Variants in PCDHB1 observed in about 807,000 individuals in gnomAD.
PCDHB1 encodes protocadherin beta-1.
In PCDHB1, 44 loss-of-function variants were observed where a neutral mutation model predicts 43.5. That is an observed-to-expected ratio of 1.01 (90% CI 0.79 to 1.30). PCDHB1 has a LOEUF of 1.30. Among genes scored for constraint, PCDHB1 ranks in the 50% most tolerant of loss-of-function variants. The probability of loss-of-function intolerance (pLI) is 0.00; values close to 1 mark genes in which losing one functional copy is unlikely to be tolerated. For synonymous variants in PCDHB1, 392 were observed against 400.8 expected (o/e 0.98, Z 0.26); for missense variants, 919 against 1,008.9 (o/e 0.91, Z 1.21).
chr5:141,054,681 GTTGT>G lies in PCDHB1; in HGVS notation c.*757_*760del, dbSNP rs1415610443. 3.2e-5 allele frequency: 4 copies of G among 126,502 alleles called. No individual in the cohort carries two copies. Among genetic ancestry groups the G allele is most frequent in the Non-Finnish European group, 1.6e-5 (1 of 61,806 alleles). The allele number at this position is 126,502 out of a possible 1,614,324, so 7.8% of individuals were successfully genotyped here. A position where few individuals can be genotyped will look rare whatever the true frequency, so the allele number is the denominator to read the frequency against. ...GTTCTCCAAAATTAAATTAGATGTA[GTTGT>G]TTTTTTTTTTTTTTTTTTTTTTTTT... On this transcript the variant is annotated 3_prime_UTR_variant, in exon 1 of 1. Coordinates refer to ENST00000306549, the MANE Select transcript of PCDHB1 (RefSeq NM_013340.4).
Position 141,059,177 on chromosome 5 carries a change from T to G in PCDHB1, c.*5250T>G, listed in dbSNP as rs1563799343. 6.6e-6 allele frequency: 1 copy of G among 152,108 alleles called. No individual in the cohort carries two copies. The highest frequency in any genetic ancestry group is 6.5e-5 in the Admixed American group (1 of 15,272). 9.4% of individuals were successfully genotyped at this position (152,108 alleles called of 1,614,324 possible). ...TTTAAAATAGATATAAACTGAAAAT[T>G]TTAAAATTTGTTGTGCAGACATGTT... On this transcript the variant is annotated 3_prime_UTR_variant, in exon 1 of 1. Transcript: ENST00000306549.
In PCDHB1 at chr5:141,052,009, T is replaced by C. The variant is rs1554267168; in HGVS notation, c.539T>C (p.Leu180Pro). 5.0e-6 allele frequency: 8 copies of C among 1,614,166 alleles called. No individual in the cohort carries two copies. Among genetic ancestry groups the C allele is most frequent in the Non-Finnish European group, 6.8e-6 (8 of 1,180,046 alleles). Reference protein sequence around the residue: ...YTLSANGYFHLHTRFCSHGPK... With the variant: ...YTLSANGYFHPHTRFCSHGPK... Reference sequence around the variant, plus strand: ...CTGAGTGCCAATGGGTATTTCCACCTGCACACCCGCTTCTGCAGCCACGGG... The same window carrying C: ...CTGAGTGCCAATGGGTATTTCCACCCGCACACCCGCTTCTGCAGCCACGGG... The change falls in exon 1 of 1, where the codon CTG becomes CCG. Residue 180 changes from leucine (L) to proline (P), a missense_variant. By Grantham distance (98) the Leu-to-Pro change is moderately conservative (BLOSUM62 -3). Transcript: ENST00000306549.
In PCDHB1 at chr5:141,053,167, T is replaced by C. The variant is rs1554267402; in HGVS notation, c.1697T>C (p.Leu566Pro). The C allele has an allele frequency of 2.5e-6, 4 of 1,614,218 alleles. No homozygotes were observed. Among genetic ancestry groups the C allele is most frequent in the Non-Finnish European group, 3.4e-6 (4 of 1,180,036 alleles). Reference sequence around the variant, plus strand: ...AATCGTCCAATGATCTTATACCCACTGCAGAACGGCACCTTGCCCTGCAAT... The same window carrying C: ...AATCGTCCAATGATCTTATACCCACCGCAGAACGGCACCTTGCCCTGCAAT... ...NDNRPMILYPLQNGTLPCNDL... is the reference protein window; with the variant it reads ...NDNRPMILYPPQNGTLPCNDL... The change falls in exon 1 of 1, where the codon CTG becomes CCG. Residue 566 changes from leucine (L) to proline (P), a missense_variant. Leu to Pro is a moderately conservative substitution (Grantham distance 98). Coordinates refer to ENST00000306549, the MANE Select transcript of PCDHB1 (RefSeq NM_013340.4).
rs1198200028 is a variant in PCDHB1 at position 141,057,259 on chromosome 5, AT to A, written c.*3333del. On this transcript the variant is annotated 3_prime_UTR_variant, in exon 1 of 1. Transcript: ENST00000306549. ...GCATTTTAATATAAAAATGGTTAAG[AT>A]AGGCTGGGCATGGTGGCTCACACCT... 1 of 152,188 alleles carries A rather than the reference AT, an allele frequency of 6.6e-6. No individual in the cohort carries two copies. The highest frequency in any genetic ancestry group is 1.5e-5 in the Non-Finnish European group (1 of 68,028). 9.4% of individuals were successfully genotyped at this position (152,188 alleles called of 1,614,324 possible). A position where few individuals can be genotyped will look rare whatever the true frequency, so the allele number is the denominator to read the frequency against.
chr5:141,053,976 G>A lies in PCDHB1; in HGVS notation c.*49G>A, dbSNP rs782231242. The A allele has an allele frequency of 2.7e-6, 4 of 1,486,086 alleles. No individual in the cohort carries two copies. Among genetic ancestry groups the A allele is most frequent in the Non-Finnish European group, 3.7e-6 (4 of 1,091,954 alleles). The allele number at this position is 1,486,086 out of a possible 1,614,324, so 92.1% of individuals were successfully genotyped here. ...AGAAGAGAAGCAAAATTTTATACTT[G>A]GTATGCAAAGATGTTACATCCTCAT... On this transcript the variant is annotated 3_prime_UTR_variant, in exon 1 of 1. Transcript: ENST00000306549.
In PCDHB1 at chr5:141,051,658, G is replaced by A. The variant is rs1322914800; in HGVS notation, c.188G>A (p.Gly63Glu). ...GAGGTAGGGAAGCTGGCTGCGCGCG[G>A]GGCGCGGCTGGTTTCCGAGGGCAAC... Reference protein sequence around the residue: ...GLEVGKLAARGARLVSEGNKM... With the variant: ...GLEVGKLAAREARLVSEGNKM... Residue 63 changes from glycine to glutamate, a missense_variant, in exon 1 of 1, where the codon GGG (glycine) becomes GAG (glutamate). Coordinates refer to ENST00000306549, the MANE Select transcript of PCDHB1 (RefSeq NM_013340.4). The A allele has an allele frequency of 1.9e-6, 3 of 1,614,246 alleles. No individual in the cohort carries two copies. Among genetic ancestry groups the A allele is most frequent in the Non-Finnish European group, 2.5e-6 (3 of 1,180,044 alleles).
rs1182667209 is a variant in PCDHB1 at position 141,058,852 on chromosome 5, T to G, written c.*4925T>G. 1 of 152,158 alleles carries G rather than the reference T, an allele frequency of 6.6e-6. No individual in the cohort carries two copies. Among genetic ancestry groups the G allele is most frequent in the African/African-American group, 2.4e-5 (1 of 41,460 alleles). 9.4% of individuals were successfully genotyped at this position (152,158 alleles called of 1,614,324 possible). A position where few individuals can be genotyped will look rare whatever the true frequency, so the allele number is the denominator to read the frequency against. ...AAAACTTGTTACTTTCCCCCCCACT[T>G]ATTTAGTTAGTTATTTCTTTACATA... On this transcript the variant is annotated 3_prime_UTR_variant, in exon 1 of 1. Transcript: ENST00000306549.
rs971346663 is a variant in PCDHB1, at chr5:141,058,943, C to T, written c.*5016C>T. 6 of 152,082 alleles carry T rather than the reference C, an allele frequency of 3.9e-5. No individual in the cohort carries two copies. The highest frequency in any genetic ancestry group is 3.9e-4 in the Admixed American group (6 of 15,268). 9.4% of individuals were successfully genotyped at this position (152,082 alleles called of 1,614,324 possible). A position where few individuals can be genotyped will look rare whatever the true frequency, so the allele number is the denominator to read the frequency against. ...TAATCCTATCATTTACTTTGTTGTT[C>T]AGCAAACTCTTTTATCTGAGATGAA... On this transcript the variant is annotated 3_prime_UTR_variant, in exon 1 of 1. Transcript: ENST00000306549.
In PCDHB1 at chr5:141,053,997, C is replaced by T. The variant is rs1751068527; in HGVS notation, c.*70C>T. 1 of 1,314,014 alleles carries T rather than the reference C, an allele frequency of 7.6e-7. No individual in the cohort carries two copies. Among genetic ancestry groups the T allele is most frequent in the Admixed American group, 2.3e-5 (1 of 43,934 alleles). The allele number at this position is 1,314,014 out of a possible 1,614,324, so 81.4% of individuals were successfully genotyped here. On this transcript the variant is annotated 3_prime_UTR_variant, in exon 1 of 1. Coordinates refer to ENST00000306549, the MANE Select transcript of PCDHB1 (RefSeq NM_013340.4). ...ACTTGGTATGCAAAGATGTTACATC[C>T]TCATTAAAACAAAAACTGGTAGTAG...
chr5:141,051,828 G>A lies in PCDHB1; in HGVS notation c.358G>A (p.Glu120Lys), dbSNP rs1474961686. 6.2e-7 allele frequency: 1 copy of A among 1,614,096 alleles called. No homozygotes were observed. The highest frequency in any genetic ancestry group is 8.5e-7 in the Non-Finnish European group (1 of 1,180,054). Residue 120 changes from glutamate (E) to lysine (K), a missense_variant, in exon 1 of 1, where the codon GAG (glutamate) becomes AAG (lysine). Coordinates refer to ENST00000306549, the MANE Select transcript of PCDHB1 (RefSeq NM_013340.4). ...LVEPLQSFRAEVRVFDINDNA... is the reference protein window; with the variant it reads ...LVEPLQSFRAKVRVFDINDNA... ...GGAGCCGCTGCAGTCCTTCCGGGCC[G>A]AGGTCAGGGTATTTGATATCAATGA...
In PCDHB1 at chr5:141,052,874, G is replaced by A. The variant is rs782722192; in HGVS notation, c.1404G>A (p.Ala468=). 6.2e-6 allele frequency: 10 copies of A among 1,614,110 alleles called. No homozygotes were observed. The highest frequency in any genetic ancestry group is 6.8e-6 in the Non-Finnish European group (8 of 1,179,998). ...CTGTTCGAGAAAACAACAGTCCTGCGGTTTTTATTGGCAAAGTCCATGCTG... is the reference window on the plus strand; with the variant it reads ...CTGTTCGAGAAAACAACAGTCCTGCAGTTTTTATTGGCAAAGTCCATGCTG... ...ILTVRENNSP[A]VFIGKVHAED... Residue 468 remains alanine (A), a synonymous_variant, in exon 1 of 1, where the codon GCG becomes GCA. Transcript: ENST00000306549.
chr5:141,058,667 G>A lies in PCDHB1; in HGVS notation c.*4740G>A, dbSNP rs1751180364. On this transcript the variant is annotated 3_prime_UTR_variant, in exon 1 of 1. Coordinates refer to ENST00000306549, the MANE Select transcript of PCDHB1 (RefSeq NM_013340.4). ...TCTCTTTGTAATTAATAAACACTTG[G>A]GGGATATGCTTTGAAACTATGCAAA... The A allele has an allele frequency of 6.6e-6, 1 of 152,048 alleles. No individual in the cohort carries two copies. The highest frequency in any genetic ancestry group is 2.4e-5 in the African/African-American group (1 of 41,392). 9.4% of individuals were successfully genotyped at this position (152,048 alleles called of 1,614,324 possible).
chr5:141,051,514 G>A lies in PCDHB1; in HGVS notation c.44G>A (p.Gly15Glu), dbSNP rs1554267019. 1 of 1,614,232 alleles carries A rather than the reference G, an allele frequency of 6.2e-7. No individual in the cohort carries two copies. Among genetic ancestry groups the A allele is most frequent in the Admixed American group, 1.7e-5 (1 of 60,028 alleles). The change falls in exon 1 of 1, where the codon GGA becomes GAA. Residue 15 changes from glycine to glutamate, a missense_variant. By Grantham distance (98) the Gly-to-Glu change is moderately conservative. Coordinates refer to ENST00000306549, the MANE Select transcript of PCDHB1 (RefSeq NM_013340.4). The part of the protein sequence containing the change: ...RRKSLQNRQV[G>E]SLLIFLCISV... Reference sequence around the variant, plus strand: ...AAATCTTTGCAAAACAGGCAAGTGGGATCTCTTCTCATTTTTCTGTGCATA... The same window carrying A: ...AAATCTTTGCAAAACAGGCAAGTGGAATCTCTTCTCATTTTTCTGTGCATA...
Position 141,052,363 on chromosome 5 carries a change from A to G in PCDHB1, c.893A>G (p.Asn298Ser), listed in dbSNP as rs1554267222. Residue 298 changes from asparagine (N) to serine (S), a missense_variant, in exon 1 of 1, where the codon AAT becomes AGT. By Grantham distance (46) the Asn-to-Ser change is conservative. Coordinates refer to ENST00000306549, the MANE Select transcript of PCDHB1 (RefSeq NM_013340.4). Reference sequence around the variant, plus strand: ...AAGACGTTTCAGATTGACCCTCAAAATGGAGAAGTTCGACTAAGAGGACCC... The same window carrying G: ...AAGACGTTTCAGATTGACCCTCAAAGTGGAGAAGTTCGACTAAGAGGACCC... ...ILKTFQIDPQ[N>S]GEVRLRGPLD... 1.2e-6 allele frequency: 2 copies of G among 1,614,232 alleles called. No individual in the cohort carries two copies. The highest frequency in any genetic ancestry group is 2.2e-5 in the South Asian group (2 of 91,092).
Position 141,054,514 on chromosome 5 carries a change from T to C in PCDHB1, c.*587T>C, listed in dbSNP as rs1208333023. 6.6e-6 allele frequency: 1 copy of C among 152,282 alleles called. No individual in the cohort carries two copies. Among genetic ancestry groups the C allele is most frequent in the Admixed American group, 6.5e-5 (1 of 15,280 alleles). 9.4% of individuals were successfully genotyped at this position (152,282 alleles called of 1,614,324 possible). On this transcript the variant is annotated 3_prime_UTR_variant, in exon 1 of 1. Coordinates refer to ENST00000306549, the MANE Select transcript of PCDHB1 (RefSeq NM_013340.4). ...ATACCTTGCCTGCAATCATTCATAATCATAATCATGGAAATGCCTGGTAAA... is the reference window on the plus strand; with the variant it reads ...ATACCTTGCCTGCAATCATTCATAACCATAATCATGGAAATGCCTGGTAAA...
chr5:141,058,654 T>G lies in PCDHB1; in HGVS notation c.*4727T>G, dbSNP rs1363915240. ...AAAGTTACTTTTTTCTCTTTGTAAT[T>G]AATAAACACTTGGGGGATATGCTTT... On this transcript the variant is annotated 3_prime_UTR_variant, in exon 1 of 1. Transcript: ENST00000306549. 6.6e-6 allele frequency: 1 copy of G among 152,188 alleles called. No individual in the cohort carries two copies. Among genetic ancestry groups the G allele is most frequent in the Non-Finnish European group, 1.5e-5 (1 of 68,004 alleles). 9.4% of individuals were successfully genotyped at this position (152,188 alleles called of 1,614,324 possible). A position where few individuals can be genotyped will look rare whatever the true frequency, so the allele number is the denominator to read the frequency against.
Position 141,051,755 on chromosome 5 carries a change from T to A in PCDHB1, c.285T>A (p.Leu95=). ...AGGAGAAACTGGATCGGGAGTCACT[T>A]TGTGGCAAAGCCGACCCTTGTGTTC... ...FVKEKLDRES[L]CGKADPCVLH... The change falls in exon 1 of 1, where the codon CTT becomes CTA. Residue 95 remains leucine, a synonymous_variant. Coordinates refer to ENST00000306549, the MANE Select transcript of PCDHB1 (RefSeq NM_013340.4). The A allele has an allele frequency of 6.2e-7, 1 of 1,614,214 alleles. No individual in the cohort carries two copies.
rs1588283896 is a variant in PCDHB1 at position 141,052,993 on chromosome 5, A to G, written c.1523A>G (p.Asn508Ser). 1 of 1,614,174 alleles carries G rather than the reference A, an allele frequency of 6.2e-7. No individual in the cohort carries two copies. Among genetic ancestry groups the G allele is most frequent in the Non-Finnish European group, 8.5e-7 (1 of 1,180,028 alleles). The change falls in exon 1 of 1, where the codon AAT (asparagine) becomes AGT (serine). Residue 508 changes from asparagine to serine, a missense_variant. Coordinates refer to ENST00000306549, the MANE Select transcript of PCDHB1 (RefSeq NM_013340.4). Reference sequence around the variant, plus strand: ...TCAGTCTTTGCTTACATATCCATAAATTCAGGCAATGGGAAGCTCTACGCG... The same window carrying G: ...TCAGTCTTTGCTTACATATCCATAAGTTCAGGCAATGGGAAGCTCTACGCG... ...DLSVFAYISI[N>S]SGNGKLYALR... is the part of the protein sequence containing the mutation.
rs1027278049 is a variant in PCDHB1, at chr5:141,053,689, T to C, written c.2219T>C (p.Leu740Pro). The part of the protein sequence containing the change: ...FYDDCNFSNN[L>P]VQGQGNGSLS... ...GATGACTGTAATTTCTCTAACAACC[T>C]GGTACAAGGACAAGGCAATGGATCC... The change falls in exon 1 of 1, where the codon CTG (leucine) becomes CCG (proline). Residue 740 changes from leucine to proline, a missense_variant. Physicochemically the swap from Leu to Pro is moderately conservative, Grantham distance 98 (BLOSUM62 -3). Transcript: ENST00000306549. The C allele has an allele frequency of 6.2e-7, 1 of 1,614,050 alleles. No homozygotes were observed. Among genetic ancestry groups the C allele is most frequent in the Non-Finnish European group, 8.5e-7 (1 of 1,180,000 alleles).
Sources: allele counts gnomAD v4.1 joint callset, GRCh38; gene constraint gnomAD v4.1.1; transcripts MANE v1.5; gene names NCBI Gene and HGNC (gene_info 2026-07-23, HGNC 2026-07-21).